CHST9: variants seen among roughly 807,000 people sequenced by gnomAD.
CHST9 encodes carbohydrate sulfotransferase 9, also known as GalNAc-4-sulfotransferase 2.
Under a neutral mutation model 44.4 loss-of-function variants are expected in CHST9, and 41 were observed. The ratio of observed to expected loss-of-function variants is 0.92; its 90% CI spans 0.72 to 1.20. The LOEUF (loss-of-function observed/expected upper bound fraction) is 1.20. Ranked by LOEUF, CHST9 falls within the 50% of genes most tolerant of loss-of-function variation. CHST9 has a pLI of 0.00. For missense variants in CHST9, 504 were observed against 516.5 expected, an observed-to-expected ratio of 0.98 and a Z score of 0.23; for synonymous variants, 171 against 178.4, an observed-to-expected ratio of 0.96 and a Z score of 0.33.
chr18:27,001,103 T>G (rs1055840779), intron 4 of CHST9, among the ~76,000 whole-genome samples: 1 of 152,114 alleles, frequency 6.6e-6, no homozygotes. Flanking sequence ...CCTAGGGGAA[T>G]TGGAAAAACT....
chr18:26,968,565 T>G (rs985119900), intron 4 of CHST9, among the ~76,000 whole-genome samples: 3 of 152,224 alleles, frequency 2.0e-5, no homozygotes, highest in African/African-American at 7.2e-5. Context: ...CTAAATAAGT[T>G]TTAAGTCTGC....
At chr18:27,130,825 T>C (rs1160387875) in intron 2 of CHST9, among the ~76,000 whole-genome samples, 1 of 152,084 alleles carries the variant, frequency 6.6e-6, no homozygotes, top group Non-Finnish European at 1.5e-5. Flanking sequence ...AACCTACTGT[T>C]GAAAGAAAAA....
At position 26,968,661 on chromosome 18, in the gene CHST9, A is replaced by G. The variant is rs575753262; in HGVS notation, c.203-24295T>C. ...TTCATTAAATATTCTACAATGGTGCATGCATTTCATACCATTTTTAGAAAG... is the reference window on the plus strand; with the variant it reads ...TTCATTAAATATTCTACAATGGTGCGTGCATTTCATACCATTTTTAGAAAG... On this transcript the variant is annotated intron_variant, in intron 4 of 5. Transcript: ENST00000618847. 6.2e-4 allele frequency among the ~76,000 whole-genome samples: 94 copies of G among 152,356 alleles called. 1 individual carries two copies. In the South Asian group the frequency reaches 0.013, roughly 22 times the overall value.
intron 2 of CHST9, among the ~76,000 whole-genome samples, chr18:27,113,557 T>C (rs148585898): frequency 1.3e-3 from 198 of 152,244 alleles, no homozygotes; most frequent in Admixed American, 2.5e-3. Flanking sequence ...AGGAGGGTGG[T>C]GCCCTTGGGA....
intron 2 of CHST9, among the ~76,000 whole-genome samples, chr18:27,087,407 C>A (rs1461658419): frequency 6.6e-6 from 1 of 152,162 alleles, no homozygotes; most frequent in African/African-American, 2.4e-5. Context: ...TGAGCTTCTT[C>A]GCCCTTTTAT....
At chr18:26,955,922 A>G (rs1338745628) in intron 4 of CHST9, among the ~76,000 whole-genome samples, 4 of 152,180 alleles carry the variant, frequency 2.6e-5, no homozygotes. Context: ...CACATAGTTC[A>G]TTTCTGTGAG....
intron 4 of CHST9, among the ~76,000 whole-genome samples, chr18:26,994,244 C>G (rs531619884): frequency 5.3e-5 from 8 of 152,294 alleles, no homozygotes; most frequent in African/African-American, 1.7e-4. Flanking sequence ...AGATTTTACA[C>G]ATCAATGTAT....
chr18:27,087,083 T>A (rs1269713781), intron 2 of CHST9, among the ~76,000 whole-genome samples: 1 of 152,196 alleles, frequency 6.6e-6, no homozygotes, highest in South Asian at 2.1e-4. Flanking sequence ...ATAAAGACAG[T>A]AGGGGCTCCT....
chr18:26,978,990 T>G lies in CHST9; in HGVS notation c.203-34624A>C, dbSNP rs553432765. The stretch of plus-strand genomic sequence containing the variant: ...GCCTATCTGTGGTTTTTGTGGTTTT[T>G]GTTGTTTCCGTTTTTTTTATTTATT... On this transcript the variant is annotated intron_variant, in intron 4 of 5. Transcript: ENST00000618847. 7.9e-5 allele frequency among the ~76,000 whole-genome samples: 12 copies of G among 152,254 alleles called. 1 individual carries two copies. Among genetic ancestry groups the G allele is most frequent in the African/African-American group, 2.6e-4 (11 of 41,574 alleles).
intron 4 of CHST9, among the ~76,000 whole-genome samples, chr18:26,984,350 A>G (rs1481695383): frequency 6.6e-6 from 1 of 152,206 alleles, no homozygotes; most frequent in Non-Finnish European, 1.5e-5. Context: ...CTCCCACTTC[A>G]CAAACAAAAA....
At chr18:27,141,591 C>CAAAAAAAAAAAAAAAAAAAAA (rs34920055) in intron 2 of CHST9, among the ~76,000 whole-genome samples, 4 of 50,098 alleles carry the variant, frequency 8.0e-5, no homozygotes, top group African/African-American at 1.8e-4. Flanking sequence ...AATCCCGACT[C>CAAAAAAAAAAAAAAAAAAAAA]AAAAAAAAAA....
At chr18:27,003,799 C>T (rs1154207) in intron 4 of CHST9, among the ~76,000 whole-genome samples, 145,840 of 152,200 alleles carry the variant, frequency 0.96, 69,921 homozygotes, top group East Asian at 1. Context: ...TTTCAATCTA[C>T]GGGCTTAGTC....
chr18:26,977,728 C>T (rs1458269935), intron 4 of CHST9, among the ~76,000 whole-genome samples: 1 of 152,030 alleles, frequency 6.6e-6, no homozygotes, highest in South Asian at 2.1e-4. Context: ...TACTGAGAAC[C>T]ATTTGCTTTC....
chr18:27,136,326 G>A (rs1292454093), intron 2 of CHST9, among the ~76,000 whole-genome samples: 1 of 152,192 alleles, frequency 6.6e-6, no homozygotes, highest in Non-Finnish European at 1.5e-5. Flanking sequence ...ATGACCTACT[G>A]TGGCACAGCG....
At chr18:27,174,995 G>A (rs2058857724) in intron 1 of CHST9, among the ~76,000 whole-genome samples, 1 of 151,998 alleles carries the variant, frequency 6.6e-6, no homozygotes, top group Admixed American at 6.6e-5. Flanking sequence ...ACCCAACTCA[G>A]TTTTAATGCA....
intron 2 of CHST9, among the ~76,000 whole-genome samples, chr18:27,075,156 T>C (rs1483467974): frequency 7.5e-6 from 1 of 133,304 alleles, no homozygotes. Flanking sequence ...GGTTGCTTTT[T>C]TTGTTTGTTT....
At chr18:27,153,825 T>C (rs995521716) in intron 1 of CHST9, among the ~76,000 whole-genome samples, 12 of 152,304 alleles carry the variant, frequency 7.9e-5, no homozygotes, top group African/African-American at 2.9e-4. Flanking sequence ...GTGATTATTT[T>C]GCAGGTGATC....
chr18:26,965,247 T>C (rs2056449888), intron 4 of CHST9, among the ~76,000 whole-genome samples: 1 of 152,168 alleles, frequency 6.6e-6, no homozygotes, highest in South Asian at 2.1e-4. Context: ...CGGCCTGCAA[T>C]GTGTTTCATA....
At chr18:26,969,368 C>CTGTGTG (rs1435153900) in intron 4 of CHST9, among the ~76,000 whole-genome samples, 41 of 94,102 alleles carry the variant, frequency 4.4e-4, no homozygotes, top group Middle Eastern at 4.9e-3. Flanking sequence ...GATTCTCTCT[C>CTGTGTG]TCTCTCTCTG....
Sources: gnomAD v4.1 joint callset for allele counts (sites outside exome capture counted in the v4.1 genomes callset) on GRCh38, gnomAD v4.1.1 for gene constraint, MANE v1.5 for transcripts, NCBI Gene and HGNC (gene_info 2026-07-23, HGNC 2026-07-21) for gene names.